The following BABAM2 variants were observed in gnomAD, a reference collection of about 807,000 sequenced individuals.
BABAM2 encodes the protein BRISC and BRCA1 A complex member 2, also known as BRISC and BRCA1-A complex member 2.
A neutral mutation model predicts 54.7 loss-of-function variants in BABAM2; 31 were observed. That is an observed-to-expected ratio of 0.57 (90% CI 0.43 to 0.77). The LOEUF (loss-of-function observed/expected upper bound fraction) is 0.77, where lower values mean the gene tolerates loss of function less well. Among genes scored for constraint, BABAM2 ranks in the 30% least tolerant of loss-of-function variants. The pLI is 0.00. For synonymous variants in BABAM2, 167 were observed against 162.9 expected (o/e 1.03, Z -0.19); for missense variants, 364 against 455.8 (o/e 0.80, Z 1.83).
At chr2:28,053,552 T>G (rs1678156926) in intron 6 of BABAM2, among the ~76,000 whole-genome samples, 1 of 152,334 alleles carries the variant, frequency 6.6e-6, no homozygotes, top group East Asian at 1.9e-4. Context: ...AGCCAAAATT[T>G]GCATTTGAGA....
At chr2:28,178,887 A>G (rs553938241) in intron 7 of BABAM2, among the ~76,000 whole-genome samples, 1 of 152,248 alleles carries the variant, frequency 6.6e-6, no homozygotes, top group Non-Finnish European at 1.5e-5. Flanking sequence ...TGGAAAACCT[A>G]GAGGAAATAG....
At chr2:28,222,797 C>G (rs1233965285) in intron 7 of BABAM2, among the ~76,000 whole-genome samples, 2 of 152,208 alleles carry the variant, frequency 1.3e-5, no homozygotes, top group Non-Finnish European at 2.9e-5. Context: ...TCTGTTGTGT[C>G]TTGTGTCACT....
chr2:27,956,676 G>A (rs751113852), intron 3 of BABAM2, among the ~76,000 whole-genome samples: 8 of 152,168 alleles, frequency 5.3e-5, no homozygotes, highest in Non-Finnish European at 1.2e-4. Flanking sequence ...GATTTGAAAA[G>A]CAGCAGCATA....
At chr2:28,320,509 C>T (rs1689941994) in intron 11 of BABAM2, among the ~76,000 whole-genome samples, 1 of 152,224 alleles carries the variant, frequency 6.6e-6, no homozygotes, top group South Asian at 2.1e-4. Context: ...AGGACGGGGG[C>T]CCAGGGCCTG....
chr2:27,925,424 CT>C (rs1029734490), intron 2 of BABAM2, among the ~76,000 whole-genome samples: 1 of 152,104 alleles, frequency 6.6e-6, no homozygotes, highest in African/African-American at 2.4e-5. Context: ...CATCATCTTT[CT>C]TTCTTTTTTC....
At chr2:28,148,440 A>G (rs1196066366) in intron 7 of BABAM2, among the ~76,000 whole-genome samples, 1 of 152,256 alleles carries the variant, frequency 6.6e-6, no homozygotes, top group African/African-American at 2.4e-5. Flanking sequence ...ACCATTTAGT[A>G]CATAGTTGGG....
At chr2:28,078,445 GA>G (rs1018066663) in intron 6 of BABAM2, among the ~76,000 whole-genome samples, 2 of 151,878 alleles carry the variant, frequency 1.3e-5, no homozygotes, top group Non-Finnish European at 1.5e-5. Context: ...AATAATGAAA[GA>G]AAAAAACCCT....
chr2:28,128,632 G>A (rs988728244), intron 6 of BABAM2, among the ~76,000 whole-genome samples: 1 of 152,092 alleles, frequency 6.6e-6, no homozygotes, highest in African/African-American at 2.4e-5. Flanking sequence ...GTGTTATTTG[G>A]TTAATCTCAA....
At chr2:28,237,953 G>A (rs566015602) in intron 8 of BABAM2, among the ~76,000 whole-genome samples, 3 of 152,122 alleles carry the variant, frequency 2.0e-5, no homozygotes, top group Admixed American at 6.5e-5. Flanking sequence ...GGGTTCAAGC[G>A]ATTCTCCTGC....
rs564962337 is a variant in BABAM2, at chr2:28,043,080, G to T, written c.496-2645G>T. ...GATGAAAGTGATTGAGTAAAGAAGG[G>T]AAAAATTAATTATATAGGAGAAAGA... On this transcript the variant is annotated intron_variant, in intron 5 of 11. Transcript: ENST00000379624. Among the ~76,000 whole-genome samples, 3 of 151,222 alleles carry T rather than the reference G, an allele frequency of 2.0e-5. No individual in the cohort carries two copies. In the South Asian group the frequency reaches 6.3e-4, roughly 32 times the overall value.
intron 7 of BABAM2, among the ~76,000 whole-genome samples, chr2:28,166,194 T>G (rs1673655676): frequency 6.6e-6 from 1 of 152,186 alleles, no homozygotes; most frequent in Non-Finnish European, 1.5e-5. Flanking sequence ...CCACCCAGTC[T>G]GTAGTACTTT....
chr2:28,045,515 A>G (rs971680229), intron 5 of BABAM2, among the ~76,000 whole-genome samples: 9 of 152,294 alleles, frequency 5.9e-5, no homozygotes, highest in African/African-American at 2.2e-4. Flanking sequence ...GATTTTAAAA[A>G]CTCAAATTGT....
intron 11 of BABAM2, chr2:28,308,309 G>A: frequency 2.2e-6 from 1 of 448,598 alleles, no homozygotes; most frequent in South Asian, 1.7e-5. Flanking sequence ...AGTGGCCCAA[G>A]ACAGTGTGGC....
At chr2:27,901,226 A>G (rs553591859) in intron 2 of BABAM2, among the ~76,000 whole-genome samples, 3 of 152,114 alleles carry the variant, frequency 2.0e-5, no homozygotes, top group African/African-American at 4.8e-5. Context: ...AGCATGTGCT[A>G]TTTGTAAGAT....
chr2:28,043,282 C>A (rs914246161), intron 5 of BABAM2, among the ~76,000 whole-genome samples: 9 of 151,832 alleles, frequency 5.9e-5, no homozygotes, highest in Non-Finnish European at 1.2e-4. Context: ...AGGCACATGC[C>A]ACCATGCCTG....
chr2:28,263,549 G>A (rs11684560), intron 10 of BABAM2, among the ~76,000 whole-genome samples: 26,121 of 152,166 alleles, frequency 0.17, 2,359 homozygotes, highest in African/African-American at 0.19. Context: ...TGGGGGAGCC[G>A]CAGCCCACAG....
At chr2:28,059,077 A>AT (rs1678663045) in intron 6 of BABAM2, among the ~76,000 whole-genome samples, 1 of 152,142 alleles carries the variant, frequency 6.6e-6, no homozygotes, top group East Asian at 1.9e-4. Context: ...TTTTACAATC[A>AT]TTGTCACCCA....
chr2:28,155,566 G>A (rs1171295717), intron 7 of BABAM2, among the ~76,000 whole-genome samples: 1 of 152,108 alleles, frequency 6.6e-6, no homozygotes, highest in African/African-American at 2.4e-5. Flanking sequence ...AAATGTAAAA[G>A]TGCTTAGGAA....
intron 11 of BABAM2, among the ~76,000 whole-genome samples, chr2:28,300,256 G>A (rs1029667919): frequency 2.0e-5 from 3 of 152,140 alleles, no homozygotes; most frequent in African/African-American, 4.8e-5. Flanking sequence ...CTTAAATAAT[G>A]TCAGGGTGTC....
Sources: gnomAD v4.1 joint callset for allele counts (sites outside exome capture counted in the v4.1 genomes callset) on GRCh38, gnomAD v4.1.1 for gene constraint, MANE v1.5 for transcripts, NCBI Gene and HGNC (gene_info 2026-07-23, HGNC 2026-07-21) for gene names.